C9: variants seen among roughly 807,000 people sequenced by gnomAD.
C9 encodes complement C9.
A neutral mutation model predicts 65.4 loss-of-function variants in C9; 63 were observed. The observed-to-expected ratio is 0.96, with a 90% CI of 0.79 to 1.19. C9 has a LOEUF of 1.19. Among genes scored for constraint, C9 ranks in the 50% most tolerant of loss-of-function variants. The probability of loss-of-function intolerance (pLI) is 0.00; values close to 1 mark genes in which losing one functional copy is unlikely to be tolerated. For synonymous variants in C9, 229 were observed against 227.9 expected (o/e 1.00, Z -0.04); for missense variants, 744 against 670.1 (o/e 1.11, Z -1.22).
At chr5:39,300,525 C>A (rs191345157) in intron 9 of C9, among the ~76,000 whole-genome samples, 39 of 151,592 alleles carry the variant, frequency 2.6e-4, no homozygotes, top group African/African-American at 9.2e-4. Flanking sequence ...AGGACACAAA[C>A]AAATTGAGAA....
chr5:39,325,842 T>G (rs574006578), intron 5 of C9, among the ~76,000 whole-genome samples: 6 of 151,834 alleles, frequency 4.0e-5, no homozygotes, highest in Non-Finnish European at 8.8e-5. Context: ...TTTTTACAAT[T>G]TAGATCATTC....
At chr5:39,335,785 A>G (rs911519180) in intron 4 of C9, among the ~76,000 whole-genome samples, 2 of 151,608 alleles carry the variant, frequency 1.3e-5, no homozygotes, top group African/African-American at 4.8e-5. Context: ...GGAAATCACC[A>G]TGGGAGGGTC....
At chr5:39,322,780 T>C (rs927427205) in intron 5 of C9, among the ~76,000 whole-genome samples, 5 of 152,124 alleles carry the variant, frequency 3.3e-5, no homozygotes, top group African/African-American at 1.2e-4. Flanking sequence ...CCCTTGTCAT[T>C]ATCTTCTAAA....
chr5:39,311,649 C>T (rs913277636), intron 6 of C9, among the ~76,000 whole-genome samples: 2 of 152,140 alleles, frequency 1.3e-5, no homozygotes, highest in Non-Finnish European at 2.9e-5. Flanking sequence ...GTTAAGCACA[C>T]ATTTGCTTAT....
chr5:39,320,010 A>T (rs1421413481), intron 5 of C9, among the ~76,000 whole-genome samples: 2 of 152,232 alleles, frequency 1.3e-5, no homozygotes, highest in African/African-American at 4.8e-5. Context: ...CACACTGATT[A>T]ATGAAGGGTT....
intron 1 of C9, among the ~76,000 whole-genome samples, chr5:39,343,186 C>T (rs1312876819): frequency 6.6e-6 from 1 of 152,152 alleles, no homozygotes; most frequent in Non-Finnish European, 1.5e-5. Context: ...GGGGGCAGGA[C>T]AGTGGGTGCA....
rs1333654930 is a variant in C9, at chr5:39,331,749, C to T, written c.542G>A (p.Cys181Tyr). The T allele has an allele frequency of 3.7e-6, 6 of 1,612,910 alleles. No individual in the cohort carries two copies. The highest frequency in any genetic ancestry group is 5.1e-6 in the Non-Finnish European group (6 of 1,178,974). Reference sequence around the variant, plus strand: ...AGTGTTTCCATCCCGATCCCGGTTACAGAGTCCATTGTAGAACTCATTGTC... The same window carrying T: ...AGTGTTTCCATCCCGATCCCGGTTATAGAGTCCATTGTAGAACTCATTGTC... Reference protein sequence around the residue: ...PFDNEFYNGLCNRDRDGNTLT... With the variant: ...PFDNEFYNGLYNRDRDGNTLT... Residue 181 changes from cysteine to tyrosine, a missense_variant, in exon 5 of 11, where the codon TGT (cysteine) becomes TAT (tyrosine). Cys to Tyr is a radical substitution (Grantham distance 194). Coordinates refer to ENST00000263408, the MANE Select transcript of C9 (RefSeq NM_001737.5).
chr5:39,288,256 AT>A (rs1753027191), intron 10 of C9, among the ~76,000 whole-genome samples: 2 of 151,822 alleles, frequency 1.3e-5, no homozygotes, highest in South Asian at 2.1e-4. Context: ...AGGCAATAGA[AT>A]TTTTTTGGGG....
chr5:39,303,477 A>G (rs1432287669), intron 9 of C9, among the ~76,000 whole-genome samples: 1 of 150,822 alleles, frequency 6.6e-6, no homozygotes, highest in Non-Finnish European at 1.5e-5. Flanking sequence ...ACGGAAAAAT[A>G]TATAACTGTA....
At chr5:39,355,727 T>A (rs1312018251) in intron 1 of C9, among the ~76,000 whole-genome samples, 1 of 152,090 alleles carries the variant, frequency 6.6e-6, no homozygotes, top group African/African-American at 2.4e-5. Flanking sequence ...CAACAGAAAT[T>A]TATTTTTTTG....
intron 9 of C9, among the ~76,000 whole-genome samples, chr5:39,299,319 C>A: frequency 6.6e-6 from 1 of 152,118 alleles, no homozygotes; most frequent in East Asian, 1.9e-4. Context: ...CAAGCAATCT[C>A]TCTCCTAGAG....
intron 4 of C9, among the ~76,000 whole-genome samples, chr5:39,332,331 A>G (rs1387576337): frequency 6.6e-6 from 1 of 152,086 alleles, no homozygotes; most frequent in Non-Finnish European, 1.5e-5. Context: ...CTTGTCAAGA[A>G]CCTCATTCCC....
chr5:39,335,196 C>T (rs138627017), intron 4 of C9, among the ~76,000 whole-genome samples: 72 of 152,242 alleles, frequency 4.7e-4, no homozygotes, highest in African/African-American at 1.7e-3. Context: ...TCTTTATTTT[C>T]AGTGAACAAT....
chr5:39,341,094 G>T, intron 4 of C9, 52 bp downstream of exon 4: 1 of 1,579,132 alleles, frequency 6.3e-7, no homozygotes, highest in Non-Finnish European at 8.7e-7. Flanking sequence ...TGAGAGAGAT[G>T]GAGATCATTT....
chr5:39,354,130 C>T (rs1189758892), intron 1 of C9, among the ~76,000 whole-genome samples: 1 of 152,138 alleles, frequency 6.6e-6, no homozygotes, highest in Non-Finnish European at 1.5e-5. Flanking sequence ...ACATGGGATG[C>T]CAAAACGTCT....
Position 39,347,771 on chromosome 5 carries a change from A to G in C9, c.78-5575T>C, listed in dbSNP as rs539615735. Among the ~76,000 whole-genome samples the G allele has an allele frequency of 1.1e-4, 16 of 152,308 alleles. No homozygotes were observed. In the East Asian group the frequency reaches 1.9e-3, roughly 18 times the overall value. ...ATCATGCTACCTGACTTCAAACTGT[A>G]CTACAAGGCTACAGTAACCAAAACA... is the stretch of plus-strand genomic sequence containing the variant. On this transcript the variant is annotated intron_variant, in intron 1 of 10. Transcript: ENST00000263408.
At chr5:39,330,919 T>C (rs946314531) in intron 5 of C9, among the ~76,000 whole-genome samples, 5 of 152,234 alleles carry the variant, frequency 3.3e-5, no homozygotes, top group African/African-American at 1.2e-4. Context: ...CTGGTGGGAC[T>C]GATAACAATA....
intron 9 of C9, among the ~76,000 whole-genome samples, chr5:39,304,343 T>C (rs1753337552): frequency 2.6e-5 from 4 of 152,160 alleles, no homozygotes; most frequent in Admixed American, 2.6e-4. Flanking sequence ...GGAGAGGTTC[T>C]AGTAATTCTT....
intron 10 of C9, among the ~76,000 whole-genome samples, chr5:39,288,030 A>G (rs1753023007): frequency 6.6e-6 from 1 of 152,014 alleles, no homozygotes; most frequent in African/African-American, 2.4e-5. Flanking sequence ...TTAAAAATAC[A>G]ATACAGAATC....
Sources: allele counts gnomAD v4.1 joint callset (sites outside exome capture counted in the v4.1 genomes callset), GRCh38; gene constraint gnomAD v4.1.1; transcripts MANE v1.5; gene names NCBI Gene and HGNC (gene_info 2026-07-23, HGNC 2026-07-21).